ABHD18: variants seen among roughly 807,000 people sequenced by gnomAD.
ABHD18 encodes abhydrolase domain containing 18, also known as cardiolipin-specific deacylase, mitochondrial.
A neutral mutation model predicts 65.9 loss-of-function variants in ABHD18; 55 were observed. That is an observed-to-expected ratio of 0.84 (90% CI 0.67 to 1.05). ABHD18 has a LOEUF of 1.05. Among genes scored for constraint, ABHD18 ranks in the 50% least tolerant of loss-of-function variants. The pLI is 0.00. For missense variants in ABHD18, 533 were observed against 558.5 expected (o/e 0.95, Z 0.46); for synonymous variants, 181 against 180.2 (o/e 1.00, Z -0.04).
intron 4 of ABHD18, among the ~76,000 whole-genome samples, chr4:127,994,921 C>T (rs1235437427): frequency 6.6e-6 from 1 of 151,944 alleles, no homozygotes; most frequent in Non-Finnish European, 1.5e-5. Flanking sequence ...ACTCTGTTGC[C>T]CAGGCTGGAG....
chr4:127,975,396 A>G (rs925525588), intron 1 of ABHD18, among the ~76,000 whole-genome samples: 6 of 152,188 alleles, frequency 3.9e-5, no homozygotes, highest in Non-Finnish European at 1.5e-5. Context: ...AAATTGAATC[A>G]TACAATATTT....
intron 8 of ABHD18, among the ~76,000 whole-genome samples, chr4:128,018,887 G>C (rs1017850944): frequency 1.3e-5 from 2 of 151,706 alleles, no homozygotes; most frequent in African/African-American, 4.8e-5. Context: ...GGTGGCACGT[G>C]CCTGTAATCC....
At position 128,037,622 on chromosome 4, in the gene ABHD18, G is replaced by A. The variant is rs1758999494; in HGVS notation, c.*1809G>A. Reference sequence around the variant, plus strand: ...CAAAGTGCTGGGATTATAGGTTTGAGCCACCACACCCGACCTGACATTTTA... The same window carrying A: ...CAAAGTGCTGGGATTATAGGTTTGAACCACCACACCCGACCTGACATTTTA... On this transcript the variant is annotated 3_prime_UTR_variant, in exon 13 of 13. Transcript: ENST00000645843. The A allele has an allele frequency of 6.6e-6, 1 of 152,078 alleles. No individual in the cohort carries two copies. The highest frequency in any genetic ancestry group is 1.5e-5 in the Non-Finnish European group (1 of 68,016). The allele number at this position is 152,078 out of a possible 1,614,324, so 9.4% of individuals were successfully genotyped here.
intron 1 of ABHD18, among the ~76,000 whole-genome samples, chr4:127,972,029 G>A (rs1215114147): frequency 2.6e-5 from 4 of 152,048 alleles, no homozygotes; most frequent in Admixed American, 6.6e-5. Context: ...AGAGCCCTGT[G>A]GGTCTATAAT....
At position 128,003,305 on chromosome 4, in the gene ABHD18, T is replaced by C. The variant is rs551288905; in HGVS notation, c.279-5615T>C. On this transcript the variant is annotated intron_variant, in intron 4 of 12. Coordinates refer to ENST00000645843, the MANE Select transcript of ABHD18 (RefSeq NM_001358451.3). ...ATCACTTGAACCCAGGAGGTGGAGG[T>C]TGCAGTGAGCCGAGATCGCGCCACT... Among the ~76,000 whole-genome samples the C allele has an allele frequency of 4.6e-5, 7 of 151,100 alleles. No homozygotes were observed. In the South Asian group the frequency reaches 1.5e-3, roughly 32 times the overall value.
At chr4:127,997,022 C>T (rs1751855916) in intron 4 of ABHD18, among the ~76,000 whole-genome samples, 2 of 152,148 alleles carry the variant, frequency 1.3e-5, no homozygotes, top group Non-Finnish European at 2.9e-5. Context: ...ACATTCTCAG[C>T]TTACGAAGAT....
chr4:127,970,520 C>T (rs954067806), intron 1 of ABHD18, among the ~76,000 whole-genome samples: 6 of 139,628 alleles, frequency 4.3e-5, no homozygotes, highest in Non-Finnish European at 9.1e-5. Context: ...ACCCGGGAGA[C>T]GGAGGTTGTG....
At chr4:127,974,153 G>C (rs996670327) in intron 1 of ABHD18, among the ~76,000 whole-genome samples, 6 of 148,204 alleles carry the variant, frequency 4.0e-5, no homozygotes, top group Non-Finnish European at 8.9e-5. Flanking sequence ...ATTATGCAAT[G>C]GTCTTTTTTG....
chr4:128,021,529 C>A (rs940420431), intron 10 of ABHD18, among the ~76,000 whole-genome samples: 6 of 151,938 alleles, frequency 3.9e-5, no homozygotes, highest in Admixed American at 3.9e-4. Flanking sequence ...TGGTAGGTGC[C>A]TGTAATCCCA....
intron 8 of ABHD18, among the ~76,000 whole-genome samples, chr4:128,018,204 G>C (rs901488943): frequency 2.0e-5 from 3 of 152,102 alleles, no homozygotes; most frequent in Non-Finnish European, 4.4e-5. Flanking sequence ...GTACTTTACT[G>C]ACTTGTTTAG....
At chr4:128,029,833 A>G in intron 11 of ABHD18, among the ~76,000 whole-genome samples, 1 of 151,804 alleles carries the variant, frequency 6.6e-6, no homozygotes. Context: ...CAAAAACAAA[A>G]ATAAATTAGC....
intron 7 of ABHD18, among the ~76,000 whole-genome samples, chr4:128,013,977 CTTTTTTTTT>C (rs61303818): frequency 1.7e-5 from 2 of 115,120 alleles, no homozygotes; most frequent in Non-Finnish European, 3.5e-5. Flanking sequence ...GAATTTCCAC[CTTTTTTTTT>C]TTTTTTTTTT....
intron 1 of ABHD18, among the ~76,000 whole-genome samples, chr4:127,979,597 A>T (rs903312844): frequency 1.3e-5 from 2 of 151,342 alleles, no homozygotes; most frequent in African/African-American, 2.4e-5. Flanking sequence ...CAAGGTATTA[A>T]ATGGATAGAA....
At chr4:127,995,899 T>A (rs554271215) in intron 4 of ABHD18, among the ~76,000 whole-genome samples, 1 of 152,356 alleles carries the variant, frequency 6.6e-6, no homozygotes, top group East Asian at 1.9e-4. Context: ...AAAAAATTCT[T>A]TGTAGGTACT....
Position 127,972,520 on chromosome 4 carries a change from C to CTTTT in ABHD18, c.-18+6937_-18+6940dup, listed in dbSNP as rs11286287. 2.1e-4 allele frequency among the ~76,000 whole-genome samples: 13 copies of CTTTT among 60,872 alleles called. 2 individuals carry two copies. The highest frequency in any genetic ancestry group is 7.5e-4 in the African/African-American group (11 of 14,760). The allele number at this position is 60,872 out of a possible 152,430, so 39.9% of individuals were successfully genotyped here. A position where few individuals can be genotyped will look rare whatever the true frequency, so the allele number is the denominator to read the frequency against. On this transcript the variant is annotated intron_variant, in intron 1 of 12. Transcript: ENST00000645843. ...GCTGAGGTCAAAGACCAGATATACT[C>CTTTT]TTTTTTTTTTTTTTTTTTTTTTTTT...
At position 128,039,726 on chromosome 4, in the gene ABHD18, T is replaced by C. The variant is rs533727105; in HGVS notation, c.*3913T>C. Reference sequence around the variant, plus strand: ...TAAAAAGCTAATCATTTGTGCTTTTTTTCAAGAGGTATTATTGTAAATACG... The same window carrying C: ...TAAAAAGCTAATCATTTGTGCTTTTCTTCAAGAGGTATTATTGTAAATACG... On this transcript the variant is annotated 3_prime_UTR_variant, in exon 13 of 13. Transcript: ENST00000645843. The C allele has an allele frequency of 6.6e-6, 1 of 152,326 alleles. No individual in the cohort carries two copies. The highest frequency in any genetic ancestry group is 1.9e-4 in the East Asian group (1 of 5,184). The allele number at this position is 152,326 out of a possible 1,614,324, so 9.4% of individuals were successfully genotyped here. A position where few individuals can be genotyped will look rare whatever the true frequency, so the allele number is the denominator to read the frequency against.
chr4:128,012,631 T>A (rs573186674), intron 7 of ABHD18, among the ~76,000 whole-genome samples: 1 of 152,260 alleles, frequency 6.6e-6, no homozygotes, highest in African/African-American at 2.4e-5. Flanking sequence ...GTAGTAACAG[T>A]ATTATATATG....
intron 12 of ABHD18, among the ~76,000 whole-genome samples, chr4:128,032,829 C>T (rs1182714042): frequency 1.3e-5 from 2 of 152,118 alleles, no homozygotes; most frequent in African/African-American, 4.8e-5. Flanking sequence ...AGAGACTATT[C>T]ACATGATTAA....
chr4:127,981,869 G>A (rs184338283), intron 1 of ABHD18, among the ~76,000 whole-genome samples: 2 of 152,220 alleles, frequency 1.3e-5, no homozygotes, highest in Admixed American at 1.3e-4. Context: ...ACGTTGTCTT[G>A]TCTGACAAGT....
Sources: allele counts gnomAD v4.1 joint callset (sites outside exome capture counted in the v4.1 genomes callset), GRCh38; gene constraint gnomAD v4.1.1; transcripts MANE v1.5; gene names NCBI Gene and HGNC (gene_info 2026-07-23, HGNC 2026-07-21).